Variants in FERMT2 observed in about 807,000 individuals in gnomAD.
FERMT2 encodes the protein FERM domain containing kindlin 2.
FERMT2 carries 15 observed loss-of-function variants against 82.7 expected under a neutral mutation model. That is an observed-to-expected ratio of 0.18 (90% CI 0.12 to 0.28). FERMT2 has a LOEUF of 0.28. FERMT2 is among the 10% of genes least tolerant of loss of function. The pLI, the probability that FERMT2 is intolerant of heterozygous loss-of-function variation, is 1.00. For missense variants in FERMT2, 645 were observed against 809.4 expected (o/e 0.80, Z 2.46); for synonymous variants, 274 against 271.5 (o/e 1.01, Z -0.09).
At position 52,858,152 on chromosome 14, in the gene FERMT2, C is replaced by T. The variant is rs1278374222; in HGVS notation, c.*225G>A. The T allele has an allele frequency of 8.5e-6, 4 of 471,896 alleles. No individual in the cohort carries two copies. The highest frequency in any genetic ancestry group is 1.5e-5 in the Non-Finnish European group (4 of 262,798). The allele number at this position is 471,896 out of a possible 1,614,324, so 29.2% of individuals were successfully genotyped here. On this transcript the variant is annotated 3_prime_UTR_variant, in exon 15 of 15. Transcript: ENST00000341590. Reference sequence around the variant, plus strand: ...TTGCCCACTATTTCAGTTTTCAATTCATGGCCCTAAGGAATGTGTGACAAA... The same window carrying T: ...TTGCCCACTATTTCAGTTTTCAATTTATGGCCCTAAGGAATGTGTGACAAA...
Position 52,898,948 on chromosome 14 carries a change from C to T in FERMT2, c.392-5521G>A, listed in dbSNP as rs918147605. The stretch of plus-strand genomic sequence containing the variant: ...GAAAAGTTCTCCCAAATGTTTCCGC[C>T]ATATCCCCCAGGTTTGAGAGTCACT... On this transcript the variant is annotated intron_variant, in intron 3 of 14. Transcript: ENST00000341590. Among the ~76,000 whole-genome samples, 5 of 152,168 alleles carry T rather than the reference C, an allele frequency of 3.3e-5. No homozygotes were observed. The East Asian group carries it at 9.6e-4, about 29-fold the overall frequency.
intron 3 of FERMT2, 28 bp from the exon 4 acceptor site, chr14:52,893,455 G>A (rs769255161): frequency 1.8e-5 from 28 of 1,516,514 alleles, no homozygotes; most frequent in Non-Finnish European, 2.4e-5. Context: ...TGTTTTACTA[G>A]AACAAAGGAA....
At chr14:52,940,648 A>C (rs1296092709) in intron 2 of FERMT2, among the ~76,000 whole-genome samples, 3 of 152,228 alleles carry the variant, frequency 2.0e-5, no homozygotes, top group African/African-American at 7.2e-5. Flanking sequence ...CACATTCCAA[A>C]GAGACAGGAA....
chr14:52,939,394 A>G (rs1255235502), intron 2 of FERMT2, among the ~76,000 whole-genome samples: 1 of 151,524 alleles, frequency 6.6e-6, no homozygotes, highest in African/African-American at 2.4e-5. Context: ...AAAAAAACAA[A>G]GAACTATTTG....
chr14:52,881,331 G>T lies in FERMT2; in HGVS notation c.665C>A (p.Ala222Asp). 1 of 1,614,048 alleles carries T rather than the reference G, an allele frequency of 6.2e-7. No individual in the cohort carries two copies. Among genetic ancestry groups the T allele is most frequent in the Non-Finnish European group, 8.5e-7 (1 of 1,180,004 alleles). ...TGGTGACGTGATTGGTTGACTGACA[G>T]CAAGTATACCAGGATTGCCTTCTGA... ...ALSEGNPGILAVSQPITSPEI... is the reference protein window; with the variant it reads ...ALSEGNPGILDVSQPITSPEI... Residue 222 changes from alanine to aspartate, a missense_variant, in exon 5 of 15, where the codon GCT becomes GAT. Physicochemically the swap from Ala to Asp is moderately radical, Grantham distance 126. Transcript: ENST00000341590.
chr14:52,890,461 A>G (rs1006080959), intron 4 of FERMT2, among the ~76,000 whole-genome samples: 4 of 151,600 alleles, frequency 2.6e-5, no homozygotes, highest in African/African-American at 7.3e-5. Flanking sequence ...AAAAAAAAGA[A>G]AAGAAAAAAA....
At chr14:52,874,635 T>TGATGTGC (rs1885838212) in intron 8 of FERMT2, among the ~76,000 whole-genome samples, 1 of 152,228 alleles carries the variant, frequency 6.6e-6, no homozygotes, top group Non-Finnish European at 1.5e-5. Context: ...CTTCTTTTTG[T>TGATGTGC]AGTATTTCAA....
At chr14:52,865,240 G>A (rs1462251364) in intron 10 of FERMT2, among the ~76,000 whole-genome samples, 1 of 152,194 alleles carries the variant, frequency 6.6e-6, no homozygotes, top group Non-Finnish European at 1.5e-5. Flanking sequence ...AGAATCACTT[G>A]AACCTGTGAG....
intron 10 of FERMT2, among the ~76,000 whole-genome samples, chr14:52,869,231 C>T (rs758352626): frequency 1.8e-4 from 28 of 152,066 alleles, no homozygotes; most frequent in East Asian, 1.9e-4. Context: ...AAGGTAGTGA[C>T]CCTAATTAAG....
intron 3 of FERMT2, among the ~76,000 whole-genome samples, chr14:52,906,093 G>A (rs1643891016): frequency 1.3e-5 from 2 of 152,352 alleles, no homozygotes; most frequent in Admixed American, 1.3e-4. Flanking sequence ...TACTGCCTAT[G>A]GGCAGGGGAG....
intron 4 of FERMT2, chr14:52,881,924 AAC>A (rs1886324419): frequency 2.0e-6 from 1 of 491,526 alleles, no homozygotes; most frequent in Non-Finnish European, 3.4e-6. Flanking sequence ...AAAAAGAAAA[AAC>A]AGATTTTCCC....
chr14:52,913,749 G>A (rs1274179352), intron 3 of FERMT2, among the ~76,000 whole-genome samples: 1 of 143,986 alleles, frequency 6.9e-6, no homozygotes, highest in Admixed American at 6.9e-5. Context: ...GATATATTTA[G>A]GAAGGTGGAG....
intron 2 of FERMT2, among the ~76,000 whole-genome samples, chr14:52,945,945 C>T (rs959676675): frequency 3.3e-5 from 5 of 152,202 alleles, no homozygotes; most frequent in African/African-American, 9.7e-5. Context: ...GGCACTATCT[C>T]GGCTCATTGC....
At position 52,901,280 on chromosome 14, in the gene FERMT2, C is replaced by CAAAAA. The variant is rs10638877; in HGVS notation, c.392-7858_392-7854dup. On this transcript the variant is annotated intron_variant, in intron 3 of 14. Coordinates refer to ENST00000341590, the MANE Select transcript of FERMT2 (RefSeq NM_006832.3). ...TAGGCGACAGAGCGAGACTCTGTCT[C>CAAAAA]AAAAAAAAAAAAAAAAAAAAGCCCC... Among the ~76,000 whole-genome samples the CAAAAA allele has an allele frequency of 1.1e-3, 62 of 56,990 alleles. 2 individuals carry two copies. Among genetic ancestry groups the CAAAAA allele is most frequent in the African/African-American group, 2.1e-3 (27 of 12,808 alleles). The allele number at this position is 56,990 out of a possible 152,430, so 37.4% of individuals were successfully genotyped here. A position where few individuals can be genotyped will look rare whatever the true frequency, so the allele number is the denominator to read the frequency against.
intron 3 of FERMT2, among the ~76,000 whole-genome samples, chr14:52,912,511 CT>C (rs1252702778): frequency 2.0e-3 from 283 of 139,174 alleles, no homozygotes; most frequent in Admixed American, 3.5e-3. Flanking sequence ...CAGATCACTA[CT>C]TTTTTTTTTT....
chr14:52,872,455 AC>A (rs1339293037), intron 10 of FERMT2, among the ~76,000 whole-genome samples: 1 of 151,872 alleles, frequency 6.6e-6, no homozygotes, highest in African/African-American at 2.4e-5. Context: ...AATCGCTTGA[AC>A]CCGGGAGGCA....
intron 4 of FERMT2, among the ~76,000 whole-genome samples, chr14:52,885,311 T>C (rs1223131350): frequency 2.7e-4 from 1 of 3,746 alleles, no homozygotes; most frequent in African/African-American, 4.9e-4. Flanking sequence ...AGACTTAGTC[T>C]CAAAAAAAAA....
chr14:52,896,492 C>T (rs753810799), intron 3 of FERMT2, among the ~76,000 whole-genome samples: 3 of 152,168 alleles, frequency 2.0e-5, no homozygotes, highest in Non-Finnish European at 4.4e-5. Context: ...TGGAAGCACA[C>T]AGCCAAACTA....
chr14:52,918,509 T>C (rs751486662), intron 3 of FERMT2, among the ~76,000 whole-genome samples: 1 of 152,238 alleles, frequency 6.6e-6, no homozygotes, highest in Non-Finnish European at 1.5e-5. Context: ...TAAATGTATC[T>C]TTAACCAAGA....
Sources: allele counts gnomAD v4.1 joint callset (sites outside exome capture counted in the v4.1 genomes callset), GRCh38; gene constraint gnomAD v4.1.1; transcripts MANE v1.5; gene names NCBI Gene and HGNC (gene_info 2026-07-23, HGNC 2026-07-21).